PRKCB: variants seen among roughly 807,000 people sequenced by gnomAD.
The protein encoded by PRKCB is protein kinase C beta type.
PRKCB carries 13 observed loss-of-function variants against 81.5 expected under a neutral mutation model. The observed-to-expected ratio is 0.16, with a 90% CI of 0.10 to 0.25. The LOEUF (loss-of-function observed/expected upper bound fraction) is 0.25. PRKCB is among the 10% of genes least tolerant of loss of function. The probability of loss-of-function intolerance (pLI) is 1.00; values close to 1 mark genes in which losing one functional copy is unlikely to be tolerated. For synonymous variants in PRKCB, 335 were observed against 321.4 expected, an observed-to-expected ratio of 1.04 and a Z score of -0.45; for missense variants, 509 against 875.7, an observed-to-expected ratio of 0.58 and a Z score of 5.29.
Position 24,113,084 on chromosome 16 carries a change from CTTTTTCTCTTCTTTCT to C in PRKCB, c.918+26_918+41del, listed in dbSNP as rs1966694691. The C allele has an allele frequency of 5.0e-6, 8 of 1,589,330 alleles. No individual in the cohort carries two copies. Among genetic ancestry groups the C allele is most frequent in the Non-Finnish European group, 1.7e-6 (2 of 1,163,112 alleles). ...AGAAATTTGAGGTGAGGTTTCTTTT[CTTTTTCTCTTCTTTCT>C]TTTTTCTCTTTCTTTTTTCCTTCTT... is the stretch of plus-strand genomic sequence containing the variant. On this transcript the variant is annotated intron_variant, in intron 8 of 16. Coordinates refer to ENST00000643927, the MANE Select transcript of PRKCB (RefSeq NM_002738.7).
intron 5 of PRKCB, among the ~76,000 whole-genome samples, chr16:24,048,182 G>A (rs991329354): frequency 3.3e-5 from 5 of 152,232 alleles, no homozygotes; most frequent in African/African-American, 1.2e-4. Context: ...GGCACTGGGC[G>A]AAGCACGTTG....
chr16:23,926,968 C>T (rs939713235), intron 2 of PRKCB, among the ~76,000 whole-genome samples: 3 of 152,148 alleles, frequency 2.0e-5, no homozygotes, highest in African/African-American at 7.2e-5. Flanking sequence ...TTATTGAATA[C>T]TTCTTACTGC....
chr16:24,148,402 A>G (rs1967025665), intron 9 of PRKCB, among the ~76,000 whole-genome samples: 1 of 152,192 alleles, frequency 6.6e-6, no homozygotes, highest in Admixed American at 6.5e-5. Context: ...TGAGGGCAGG[A>G]ACCTTGTCGT....
At chr16:23,846,147 A>G (rs1420674170) in intron 2 of PRKCB, among the ~76,000 whole-genome samples, 1 of 152,228 alleles carries the variant, frequency 6.6e-6, no homozygotes, top group Non-Finnish European at 1.5e-5. Flanking sequence ...ACTCACTTAT[A>G]GAGAAAGGAC....
At chr16:24,172,585 C>T (rs1967459981) in intron 11 of PRKCB, among the ~76,000 whole-genome samples, 1 of 152,042 alleles carries the variant, frequency 6.6e-6, no homozygotes, top group South Asian at 2.1e-4. Context: ...ATGGCTCATA[C>T]CTGTAATCTC....
intron 2 of PRKCB, among the ~76,000 whole-genome samples, chr16:23,908,520 T>A (rs1963598698): frequency 1.3e-5 from 2 of 152,186 alleles, no homozygotes; most frequent in South Asian, 4.2e-4. Flanking sequence ...GCTGTAAGAT[T>A]TGGGCTTTCC....
At chr16:24,177,197 T>C (rs1967548858) in intron 12 of PRKCB, among the ~76,000 whole-genome samples, 1 of 152,194 alleles carries the variant, frequency 6.6e-6, no homozygotes, top group Admixed American at 6.5e-5. Context: ...TCAATTGAGT[T>C]GTGATTCAGG....
At chr16:23,952,391 C>T (rs143874809) in intron 2 of PRKCB, among the ~76,000 whole-genome samples, 26 of 152,192 alleles carry the variant, frequency 1.7e-4, no homozygotes, top group African/African-American at 5.8e-4. Flanking sequence ...GCATATTCTG[C>T]GTATGTGTGA....
chr16:23,987,502 G>A (rs1479740044), intron 2 of PRKCB, among the ~76,000 whole-genome samples: 6 of 152,022 alleles, frequency 3.9e-5, no homozygotes, highest in Admixed American at 6.6e-5. Context: ...CAAGAGACTT[G>A]AACCAATCAT....
chr16:24,210,292 A>G (rs1246167568), intron 16 of PRKCB, among the ~76,000 whole-genome samples: 1 of 151,976 alleles, frequency 6.6e-6, no homozygotes, highest in East Asian at 1.9e-4. Flanking sequence ...TGCTCTGGCC[A>G]TACCATACTG....
chr16:24,174,322 T>C, intron 11 of PRKCB, 196 bp from the exon 12 acceptor site: 1 of 548,586 alleles, frequency 1.8e-6, no homozygotes, highest in South Asian at 2.6e-5. Context: ...AGTTTGTCCT[T>C]AAGGCAACCC....
intron 10 of PRKCB, among the ~76,000 whole-genome samples, chr16:24,166,378 C>T (rs1046525181): frequency 6.6e-6 from 1 of 152,112 alleles, no homozygotes; most frequent in Non-Finnish European, 1.5e-5. Flanking sequence ...AGACAAGTCA[C>T]GTTTGGGTGG....
At chr16:24,194,364 A>C (rs146362221) in intron 16 of PRKCB, among the ~76,000 whole-genome samples, 37 of 152,186 alleles carry the variant, frequency 2.4e-4, no homozygotes, top group African/African-American at 5.5e-4. Flanking sequence ...AAAACAACAA[A>C]AAAAAAACCT....
chr16:24,073,743 G>C (rs1278909235), intron 5 of PRKCB, among the ~76,000 whole-genome samples: 2 of 152,160 alleles, frequency 1.3e-5, no homozygotes, highest in Non-Finnish European at 2.9e-5. Context: ...AATGTGTCCA[G>C]TATTCCTTCT....
At chr16:24,001,378 A>G (rs1219038782) in intron 3 of PRKCB, among the ~76,000 whole-genome samples, 1 of 152,252 alleles carries the variant, frequency 6.6e-6, no homozygotes, top group African/African-American at 2.4e-5. Flanking sequence ...GAGATGGTAG[A>G]CACTAATGTT....
chr16:24,111,153 A>G (rs965751427), intron 7 of PRKCB: 3 of 152,056 alleles, frequency 2.0e-5, no homozygotes, highest in Non-Finnish European at 4.4e-5. Flanking sequence ...TTGTTTTTAT[A>G]TTTCTTTTGG....
Position 24,220,268 on chromosome 16 carries a change from A to G in PRKCB, c.*5452A>G. 2 of 866,758 alleles carry G rather than the reference A, an allele frequency of 2.3e-6. No homozygotes were observed. Among genetic ancestry groups the G allele is most frequent in the Non-Finnish European group, 3.4e-6 (2 of 585,276 alleles). 53.7% of individuals were successfully genotyped at this position (866,758 alleles called of 1,614,324 possible). A position where few individuals can be genotyped will look rare whatever the true frequency, so the allele number is the denominator to read the frequency against. ...CTTTTCTTTGTATGTGTAGCTTGCT[A>G]GTTTGTTTTCTACATTTGAAAATGT... is the stretch of plus-strand genomic sequence containing the variant. On this transcript the variant is annotated 3_prime_UTR_variant, in exon 17 of 17. Transcript: ENST00000643927.
At chr16:24,043,841 G>A (rs1965733354) in intron 5 of PRKCB, among the ~76,000 whole-genome samples, 1 of 152,072 alleles carries the variant, frequency 6.6e-6, no homozygotes, top group African/African-American at 2.4e-5. Context: ...CTGCCTTTGG[G>A]GACAGTGGTC....
At chr16:24,152,764 G>T (rs187380104) in intron 9 of PRKCB, among the ~76,000 whole-genome samples, 31 of 152,310 alleles carry the variant, frequency 2.0e-4, no homozygotes, top group Non-Finnish European at 8.8e-5. Context: ...ATAAACTGAA[G>T]GTGCCCATCC....
Sources: gnomAD v4.1 joint callset for allele counts (sites outside exome capture counted in the v4.1 genomes callset) on GRCh38, gnomAD v4.1.1 for gene constraint, MANE v1.5 for transcripts, NCBI Gene and HGNC (gene_info 2026-07-23, HGNC 2026-07-21) for gene names.